The following IL34 variants were observed in gnomAD, a reference collection of about 807,000 sequenced individuals.
The protein encoded by IL34 is interleukin-34.
In IL34, 17 loss-of-function variants were observed where a neutral mutation model predicts 25.3. The ratio of observed to expected loss-of-function variants is 0.67; its 90% CI spans 0.46 to 1.01. The LOEUF (loss-of-function observed/expected upper bound fraction) is 1.01. Among genes scored for constraint, IL34 ranks in the 50% least tolerant of loss-of-function variants. IL34 has a pLI of 0.00. For synonymous variants in IL34, 174 were observed against 140.9 expected (o/e 1.23, Z -1.66); for missense variants, 368 against 312.9 (o/e 1.18, Z -1.33).
chr16:70,659,056 A>G (rs1462715903), intron 4 of IL34, among the ~76,000 whole-genome samples: 9 of 151,994 alleles, frequency 5.9e-5, no homozygotes, highest in Non-Finnish European at 1.3e-4. Context: ...CACGTTTCCC[A>G]TGATGCTTTC....
Position 70,630,120 on chromosome 16 carries a change from C to G in IL34, c.-400-16428C>G, listed in dbSNP as rs187476022. On this transcript the variant is annotated intron_variant, in intron 1 of 6. Transcript: ENST00000429149. ...AATATGTAATGTTTATCTTTCTGTG[C>G]CTGGCTTATTTCACTTAACATAATG... Among the ~76,000 whole-genome samples the G allele has an allele frequency of 1.4e-4, 22 of 152,262 alleles. No individual in the cohort carries two copies. In the East Asian group the frequency reaches 4.2e-3, roughly 29 times the overall value.
intron 1 of IL34, among the ~76,000 whole-genome samples, chr16:70,604,441 G>T (rs1383864588): frequency 6.6e-6 from 1 of 152,164 alleles, no homozygotes; most frequent in Non-Finnish European, 1.5e-5. Flanking sequence ...GAAATGATTT[G>T]CTCTCTAGGT....
chr16:70,623,541 G>A (rs1268744715), intron 1 of IL34, among the ~76,000 whole-genome samples: 2 of 152,056 alleles, frequency 1.3e-5, no homozygotes, highest in African/African-American at 4.8e-5. Flanking sequence ...TGGGATATTG[G>A]CATTGAACAG....
intron 1 of IL34, among the ~76,000 whole-genome samples, chr16:70,595,751 C>G (rs1355725232): frequency 2.0e-5 from 3 of 152,068 alleles, no homozygotes; most frequent in African/African-American, 7.2e-5. Flanking sequence ...GTGGCTCATG[C>G]CTGTAATCCC....
At position 70,600,956 on chromosome 16, in the gene IL34, A is replaced by C. The variant is rs1302891012; in HGVS notation, c.-401+20907A>C. Among the ~76,000 whole-genome samples, 471 of 144,698 alleles carry C rather than the reference A, an allele frequency of 3.3e-3. 2 individuals carry two copies. The highest frequency in any genetic ancestry group is 0.012 in the African/African-American group (442 of 35,780). 94.9% of individuals were successfully genotyped at this position (144,698 alleles called of 152,430 possible). On this transcript the variant is annotated intron_variant, in intron 1 of 6. Coordinates refer to the IL34 transcript ENST00000429149. The stretch of plus-strand genomic sequence containing the variant: ...GCAGGGCTGCTGGGAGGAGTAGGGG[A>C]TGCTGGGAGAAGTAGGGGATGCTGG...
chr16:70,645,808 C>T (rs145749406), upstream of IL34, among the ~76,000 whole-genome samples: 2 of 152,156 alleles, frequency 1.3e-5, no homozygotes, highest in Non-Finnish European at 2.9e-5. Flanking sequence ...AATCCCAGCA[C>T]TTTGGGAGGC....
At chr16:70,587,523 G>A (rs1005521809) in intron 1 of IL34, among the ~76,000 whole-genome samples, 3 of 151,756 alleles carry the variant, frequency 2.0e-5, no homozygotes, top group African/African-American at 4.8e-5. Context: ...CGCCCGCCTC[G>A]GCGTCCCAAA....
chr16:70,656,576 CAT>C (rs748752273), intron 2 of IL34, 24 bp from the exon 3 acceptor site: 12 of 998,086 alleles, frequency 1.2e-5, no homozygotes, highest in Non-Finnish European at 1.9e-5. Flanking sequence ...CTTCTGGCCT[CAT>C]AGTTTGTTCT....
intron 1 of IL34, among the ~76,000 whole-genome samples, chr16:70,653,462 G>A (rs1363049832): frequency 6.6e-6 from 1 of 152,096 alleles, no homozygotes; most frequent in East Asian, 1.9e-4. Flanking sequence ...ACTTTGGGAG[G>A]CTGAGGCAGG....
Position 70,646,898 on chromosome 16 carries a change from A to G in IL34, c.-50A>G, listed in dbSNP as rs2051946892. 2 of 1,471,994 alleles carry G rather than the reference A, an allele frequency of 1.4e-6. No individual in the cohort carries two copies. The highest frequency in any genetic ancestry group is 1.8e-6 in the Non-Finnish European group (2 of 1,116,278). 91.2% of individuals were successfully genotyped at this position (1,471,994 alleles called of 1,614,324 possible). ...AGGCCGTGCTTAGGCCTCTGTGGACACACTGCTGGGGACGGCGCCTGAGCT... is the reference window on the plus strand; with the variant it reads ...AGGCCGTGCTTAGGCCTCTGTGGACGCACTGCTGGGGACGGCGCCTGAGCT... On this transcript the variant is annotated 5_prime_UTR_variant, in exon 1 of 6. Transcript: ENST00000288098.
intron 1 of IL34, among the ~76,000 whole-genome samples, chr16:70,624,258 A>G (rs12598172): frequency 0.58 from 86,849 of 150,872 alleles, 28,298 homozygotes; most frequent in African/African-American, 0.9. Flanking sequence ...GCTCCTGGGG[A>G]AGGAGGTTCT....
chr16:70,656,870 C>A, intron 3 of IL34, 90 bp from the exon 4 acceptor site: 1 of 1,422,482 alleles, frequency 7.0e-7, no homozygotes, highest in South Asian at 1.3e-5. Context: ...CGCGTCTGCT[C>A]CCTATGCAGG....
chr16:70,583,106 T>TTTG (rs1164731654), intron 1 of IL34, among the ~76,000 whole-genome samples: 1 of 152,052 alleles, frequency 6.6e-6, no homozygotes, highest in African/African-American at 2.4e-5. Flanking sequence ...CAAGGAGTTT[T>TTTG]TTGTTGTTGT....
intron 1 of IL34, among the ~76,000 whole-genome samples, chr16:70,634,962 G>A (rs543074777): frequency 6.6e-6 from 1 of 152,306 alleles, no homozygotes; most frequent in Non-Finnish European, 1.5e-5. Context: ...TTATGGCACA[G>A]TTCATACGTC....
intron 1 of IL34, among the ~76,000 whole-genome samples, chr16:70,631,004 A>G (rs2051506158): frequency 6.6e-6 from 1 of 152,190 alleles, no homozygotes; most frequent in South Asian, 2.1e-4. Flanking sequence ...TTTTGGGTAT[A>G]TACCTGGCAG....
chr16:70,630,846 T>G (rs2051502625), intron 1 of IL34, among the ~76,000 whole-genome samples: 1 of 152,160 alleles, frequency 6.6e-6, no homozygotes, highest in Non-Finnish European at 1.5e-5. Flanking sequence ...GTGTTGAGAT[T>G]ATAGGAGTGA....
chr16:70,628,031 A>G (rs1199740729), intron 1 of IL34, among the ~76,000 whole-genome samples: 3 of 152,226 alleles, frequency 2.0e-5, no homozygotes, highest in Non-Finnish European at 4.4e-5. Context: ...CTCCAAGTAG[A>G]TATGTGACAA....
chr16:70,623,598 A>G (rs189948887), intron 1 of IL34, among the ~76,000 whole-genome samples: 157 of 152,156 alleles, frequency 1.0e-3, no homozygotes, highest in South Asian at 3.7e-3. Flanking sequence ...GTGCATGATC[A>G]GTCGCCAAGG....
chr16:70,659,765 T>C lies in IL34; in HGVS notation c.538+12T>C, dbSNP rs1156519129. ...GTACTGCTCCTGCTGTAAGGAGCTC[T>C]CAGGGGATGGCGCCTGGGGGTGGGA... is the stretch of plus-strand genomic sequence containing the variant. On this transcript the variant is annotated intron_variant, in intron 5 of 5. Coordinates refer to ENST00000288098, the MANE Select transcript of IL34 (RefSeq NM_001393494.1). The C allele has an allele frequency of 5.0e-6, 8 of 1,587,078 alleles. No individual in the cohort carries two copies. In the Admixed American group the frequency reaches 5.3e-5, roughly 10 times the overall value.
Sources: gnomAD v4.1 joint callset for allele counts (sites outside exome capture counted in the v4.1 genomes callset) on GRCh38, gnomAD v4.1.1 for gene constraint, MANE v1.5 for transcripts, NCBI Gene and HGNC (gene_info 2026-07-23, HGNC 2026-07-21) for gene names.